Variants in SGCZ observed in about 807,000 individuals in gnomAD.
SGCZ encodes sarcoglycan zeta.
A neutral mutation model predicts 41.3 loss-of-function variants in SGCZ; 40 were observed. The ratio of observed to expected loss-of-function variants is 0.97; its 90% CI spans 0.75 to 1.26. The LOEUF is 1.26. Ranked by LOEUF, SGCZ falls within the 50% of genes most tolerant of loss-of-function variation. The pLI, the probability that SGCZ is intolerant of heterozygous loss-of-function variation, is 0.00. For missense variants in SGCZ, 552 were observed against 369.8 expected (o/e 1.49, Z -4.04); for synonymous variants, 206 against 137.5 (o/e 1.50, Z -3.49).
chr8:15,129,620 T>G (rs183510269), intron 1 of SGCZ, among the ~76,000 whole-genome samples: 1 of 147,668 alleles, frequency 6.8e-6, no homozygotes, highest in African/African-American at 2.5e-5. Context: ...TAACCAGCCA[T>G]GCATGGGAAC....
chr8:14,491,663 T>G (rs990053434), intron 2 of SGCZ, among the ~76,000 whole-genome samples: 1 of 152,122 alleles, frequency 6.6e-6, no homozygotes, highest in Non-Finnish European at 1.5e-5. Context: ...TTACTGGGAG[T>G]AAGAAACATC....
chr8:14,440,824 T>TAC (rs1237250717), intron 2 of SGCZ, among the ~76,000 whole-genome samples: 2 of 133,302 alleles, frequency 1.5e-5, no homozygotes, highest in Non-Finnish European at 3.0e-5. Context: ...CACATGCATA[T>TAC]ATACATACAT....
chr8:14,475,234 C>T (rs1001384836), intron 2 of SGCZ, among the ~76,000 whole-genome samples: 7 of 151,866 alleles, frequency 4.6e-5, no homozygotes, highest in Admixed American at 2.6e-4. Context: ...CTTTTTTATT[C>T]CAGTATATTT....
intron 1 of SGCZ, among the ~76,000 whole-genome samples, chr8:14,814,799 C>T (rs1383284186): frequency 6.6e-6 from 1 of 152,102 alleles, no homozygotes; most frequent in Non-Finnish European, 1.5e-5. Context: ...GGTATTATGA[C>T]TGAAAACAGT....
chr8:15,008,128 G>A (rs1367339261), intron 1 of SGCZ, among the ~76,000 whole-genome samples: 1 of 152,078 alleles, frequency 6.6e-6, no homozygotes, highest in African/African-American at 2.4e-5. Context: ...TCTTCAAGAA[G>A]GATATTATCC....
chr8:15,211,030 T>TATATAGATATAG (rs71211019), intron 1 of SGCZ, among the ~76,000 whole-genome samples: 3,065 of 147,182 alleles, frequency 0.021, 44 homozygotes, highest in African/African-American at 0.031. Context: ...GATATATACA[T>TATATAGATATAG]ATATAGATAT....
At chr8:15,217,205 C>G (rs906356232) in intron 1 of SGCZ, among the ~76,000 whole-genome samples, 8 of 151,754 alleles carry the variant, frequency 5.3e-5, no homozygotes, top group African/African-American at 1.9e-4. Context: ...ATCACGAGGT[C>G]AGGAGATCGA....
At chr8:14,370,962 A>T (rs114459188) in intron 2 of SGCZ, among the ~76,000 whole-genome samples, 2 of 152,026 alleles carry the variant, frequency 1.3e-5, no homozygotes, top group African/African-American at 4.8e-5. Flanking sequence ...ACCTGCAGTC[A>T]CGAATATATC....
At chr8:15,196,684 C>A (rs971382985) in intron 1 of SGCZ, among the ~76,000 whole-genome samples, 1 of 152,032 alleles carries the variant, frequency 6.6e-6, no homozygotes, top group Non-Finnish European at 1.5e-5. Flanking sequence ...GTACACAATG[C>A]GCAGGTTAGT....
intron 1 of SGCZ, among the ~76,000 whole-genome samples, chr8:14,624,674 A>C (rs867950742): frequency 4.1e-4 from 60 of 146,616 alleles, no homozygotes; most frequent in African/African-American, 1.4e-3. Flanking sequence ...GGGGTCAAGT[A>C]ATTCTCCTAC....
At chr8:14,718,751 T>A (rs1369743812) in intron 1 of SGCZ, among the ~76,000 whole-genome samples, 1 of 151,706 alleles carries the variant, frequency 6.6e-6, no homozygotes, top group Non-Finnish European at 1.5e-5. Context: ...ATTTTATTAA[T>A]GAAGCAATGG....
At chr8:14,353,601 TC>T (rs1352312611) in intron 2 of SGCZ, among the ~76,000 whole-genome samples, 1 of 152,114 alleles carries the variant, frequency 6.6e-6, no homozygotes, top group East Asian at 1.9e-4. Flanking sequence ...CTTGATGTCT[TC>T]CTTTCACTAT....
At chr8:14,743,548 T>C (rs1403774892) in intron 1 of SGCZ, among the ~76,000 whole-genome samples, 2 of 152,010 alleles carry the variant, frequency 1.3e-5, no homozygotes, top group African/African-American at 2.4e-5. Flanking sequence ...AATTGTAGAA[T>C]GGGGGAAGAA....
At chr8:14,205,343 A>C (rs1805584743) in intron 4 of SGCZ, among the ~76,000 whole-genome samples, 3 of 152,200 alleles carry the variant, frequency 2.0e-5, no homozygotes. Flanking sequence ...TTCAGAAAGC[A>C]ATGTACCTGG....
At chr8:14,714,017 G>T (rs1452226287) in intron 1 of SGCZ, among the ~76,000 whole-genome samples, 1 of 152,068 alleles carries the variant, frequency 6.6e-6, no homozygotes, top group African/African-American at 2.4e-5. Flanking sequence ...ACCCAGGCTG[G>T]AGTGCAATGG....
intron 1 of SGCZ, among the ~76,000 whole-genome samples, chr8:14,909,968 G>C (rs539864310): frequency 3.4e-4 from 51 of 152,158 alleles, no homozygotes; most frequent in African/African-American, 1.1e-3. Flanking sequence ...CATCCCATAA[G>C]AGAACTTTTC....
chr8:14,393,378 G>A (rs1804853713), intron 2 of SGCZ, among the ~76,000 whole-genome samples: 2 of 152,068 alleles, frequency 1.3e-5, no homozygotes, highest in South Asian at 2.1e-4. Context: ...TGTTCAAGAT[G>A]GCGACTCCAT....
chr8:14,615,246 T>C (rs992389901), intron 1 of SGCZ, among the ~76,000 whole-genome samples: 1 of 152,188 alleles, frequency 6.6e-6, no homozygotes, highest in Non-Finnish European at 1.5e-5. Flanking sequence ...CAATCTAACA[T>C]AGTTTAGTTC....
At chr8:14,633,747 C>T (rs1293978375) in intron 1 of SGCZ, among the ~76,000 whole-genome samples, 2 of 151,778 alleles carry the variant, frequency 1.3e-5, no homozygotes, top group East Asian at 1.9e-4. Context: ...GCAGGTAGAG[C>T]TTACAGAAAT....
Sources: allele counts gnomAD v4.1 joint callset (sites outside exome capture counted in the v4.1 genomes callset), GRCh38; gene constraint gnomAD v4.1.1; transcripts MANE v1.5; gene names NCBI Gene and HGNC (gene_info 2026-07-23, HGNC 2026-07-21).